Variants in SLC25A21 observed in about 807,000 individuals in gnomAD.
SLC25A21 encodes the protein mitochondrial 2-oxodicarboxylate carrier.
A neutral mutation model predicts 43.8 loss-of-function variants in SLC25A21; 47 were observed. The ratio of observed to expected loss-of-function variants is 1.07; its 90% CI spans 0.85 to 1.37. SLC25A21 has a LOEUF of 1.37. Among genes scored for constraint, SLC25A21 ranks in the 40% most tolerant of loss-of-function variants. The pLI is 0.00. For synonymous variants in SLC25A21, 131 were observed against 121.3 expected, an observed-to-expected ratio of 1.08 and a Z score of -0.52; for missense variants, 352 against 350.2, an observed-to-expected ratio of 1.00 and a Z score of -0.04.
At chr14:37,157,714 T>C (rs1413922950) in intron 1 of SLC25A21, among the ~76,000 whole-genome samples, 1 of 151,640 alleles carries the variant, frequency 6.6e-6, no homozygotes. Context: ...AACCCAAAAC[T>C]GGCAGAAGAA....
At chr14:37,099,141 C>T (rs893804316) in intron 1 of SLC25A21, among the ~76,000 whole-genome samples, 1 of 152,056 alleles carries the variant, frequency 6.6e-6, no homozygotes, top group Non-Finnish European at 1.5e-5. Context: ...ATTGAGACCA[C>T]ATTGATTTGT....
At chr14:36,866,134 G>A (rs779278691) in intron 2 of SLC25A21, among the ~76,000 whole-genome samples, 1 of 151,938 alleles carries the variant, frequency 6.6e-6, no homozygotes, top group Non-Finnish European at 1.5e-5. Flanking sequence ...TATTTGACAC[G>A]GGGTTTCTTT....
intron 1 of SLC25A21, among the ~76,000 whole-genome samples, chr14:37,159,908 A>T (rs560486222): frequency 2.0e-5 from 3 of 152,342 alleles, no homozygotes; most frequent in South Asian, 4.1e-4. Context: ...AAAAGTAGGC[A>T]AAGTACACGA....
At chr14:36,876,470 G>A (rs933087263) in intron 1 of SLC25A21, among the ~76,000 whole-genome samples, 5 of 152,178 alleles carry the variant, frequency 3.3e-5, no homozygotes, top group Admixed American at 6.5e-5. Flanking sequence ...GACAGGAGGA[G>A]ACAGGCTCAG....
chr14:37,097,691 T>C (rs1383506362), intron 1 of SLC25A21, among the ~76,000 whole-genome samples: 1 of 152,002 alleles, frequency 6.6e-6, no homozygotes, highest in African/African-American at 2.4e-5. Flanking sequence ...GAGACTAGCC[T>C]GGCCAACATG....
At chr14:36,876,034 T>C (rs1890512313) in intron 1 of SLC25A21, among the ~76,000 whole-genome samples, 3 of 152,198 alleles carry the variant, frequency 2.0e-5, no homozygotes, top group African/African-American at 7.2e-5. Flanking sequence ...ATTATCATCT[T>C]TCCTTTAAGA....
rs1250210782 is a variant in SLC25A21 at position 36,711,421 on chromosome 14, C to T, written c.500G>A (p.Gly167Asp). The T allele has an allele frequency of 6.2e-7, 1 of 1,614,110 alleles. No individual in the cohort carries two copies. Residue 167 changes from glycine (G) to aspartate (D), a missense_variant, in exon 7 of 10, where the codon GGC becomes GAC. Coordinates refer to ENST00000331299, the MANE Select transcript of SLC25A21 (RefSeq NM_030631.4). ...IIKKEGWGLQ[G>D]LNKGLTATLG... ...AGTTGCAGTTAATCCTTTGTTGAGG[C>T]CCTGGAGTCCCCAGCCTTCCTTCTT... is the stretch of plus-strand genomic sequence containing the variant.
intron 3 of SLC25A21, among the ~76,000 whole-genome samples, chr14:36,791,217 T>C (rs1363017677): frequency 6.6e-6 from 1 of 152,138 alleles, no homozygotes; most frequent in Non-Finnish European, 1.5e-5. Context: ...AACCAACGTA[T>C]TCCCACTAGG....
At chr14:37,102,525 C>T (rs1962835548) in intron 1 of SLC25A21, among the ~76,000 whole-genome samples, 1 of 151,988 alleles carries the variant, frequency 6.6e-6, no homozygotes, top group Non-Finnish European at 1.5e-5. Flanking sequence ...TTTACCTCTC[C>T]TAGCTGTTGC....
At chr14:36,768,076 C>T (rs1331048586) in intron 3 of SLC25A21, among the ~76,000 whole-genome samples, 5 of 152,192 alleles carry the variant, frequency 3.3e-5, no homozygotes, top group South Asian at 2.1e-4. Context: ...TAAAAATCTT[C>T]GGCATTCCAA....
intron 1 of SLC25A21, among the ~76,000 whole-genome samples, chr14:37,029,670 A>G (rs1185445619): frequency 6.6e-6 from 1 of 151,404 alleles, no homozygotes; most frequent in Non-Finnish European, 1.5e-5. Flanking sequence ...TTTCAGCAAG[A>G]TAGGGAGTAG....
chr14:37,060,379 C>CTAATAATAA lies in SLC25A21; in HGVS notation c.70+111893_70+111901dup, dbSNP rs71124787. Among the ~76,000 whole-genome samples the CTAATAATAA allele has an allele frequency of 3.6e-3, 499 of 138,106 alleles. 4 individuals carry two copies. The highest frequency in any genetic ancestry group is 0.019 in the Middle Eastern group (5 of 268). The allele number at this position is 138,106 out of a possible 152,430, so 90.6% of individuals were successfully genotyped here. On this transcript the variant is annotated intron_variant, in intron 1 of 9. Transcript: ENST00000331299. The stretch of plus-strand genomic sequence containing the variant: ...TGAAATGACTAAGGCACTCTACTCT[C>CTAATAATAA]TAATAATAATAATAATAATAATAAT...
At chr14:36,889,752 A>C (rs994870336) in intron 1 of SLC25A21, among the ~76,000 whole-genome samples, 3 of 152,028 alleles carry the variant, frequency 2.0e-5, no homozygotes, top group Non-Finnish European at 2.9e-5. Flanking sequence ...CAGCCTCCCA[A>C]AGTGCTAGAA....
At chr14:36,696,604 C>G (rs1883034542) in intron 7 of SLC25A21, among the ~76,000 whole-genome samples, 2 of 152,174 alleles carry the variant, frequency 1.3e-5, no homozygotes, top group Admixed American at 6.5e-5. Context: ...TTGGTCTATT[C>G]AGAGATTCAA....
intron 2 of SLC25A21, among the ~76,000 whole-genome samples, chr14:36,855,444 G>A (rs1235535948): frequency 6.6e-6 from 1 of 152,168 alleles, no homozygotes; most frequent in Non-Finnish European, 1.5e-5. Flanking sequence ...AGAAAATTAA[G>A]GAGGGGAGGG....
At chr14:37,160,392 A>C (rs1331082765) in intron 1 of SLC25A21, among the ~76,000 whole-genome samples, 1 of 152,222 alleles carries the variant, frequency 6.6e-6, no homozygotes, top group Non-Finnish European at 1.5e-5. Context: ...GCCATTAAAA[A>C]ATACTAAAAT....
intron 1 of SLC25A21, among the ~76,000 whole-genome samples, chr14:36,958,841 G>T (rs1219176096): frequency 1.3e-5 from 2 of 152,216 alleles, no homozygotes; most frequent in African/African-American, 2.4e-5. Context: ...CCTGAAGAGA[G>T]CCTCCAGAAA....
At chr14:36,972,099 A>C (rs1345238313) in intron 1 of SLC25A21, among the ~76,000 whole-genome samples, 1 of 152,160 alleles carries the variant, frequency 6.6e-6, no homozygotes, top group African/African-American at 2.4e-5. Context: ...TTCTAGGTTT[A>C]GATATTTTTG....
intron 7 of SLC25A21, among the ~76,000 whole-genome samples, chr14:36,687,087 G>A (rs1390094958): frequency 6.6e-6 from 1 of 152,156 alleles, no homozygotes; most frequent in Non-Finnish European, 1.5e-5. Context: ...GAGTAGCTGG[G>A]ATTACAGGCA....
Sources: gnomAD v4.1 joint callset for allele counts (sites outside exome capture counted in the v4.1 genomes callset) on GRCh38, gnomAD v4.1.1 for gene constraint, MANE v1.5 for transcripts, NCBI Gene and HGNC (gene_info 2026-07-23, HGNC 2026-07-21) for gene names.